L3MBTL4: variants seen among roughly 807,000 people sequenced by gnomAD.
L3MBTL4 encodes the protein L3MBTL histone methyl-lysine binding protein 4, also known as lethal(3)malignant brain tumor-like protein 4.
A neutral mutation model predicts 84.5 loss-of-function variants in L3MBTL4; 70 were observed. The ratio of observed to expected loss-of-function variants is 0.83; its 90% confidence interval spans 0.68 to 1.01. The LOEUF is 1.01. Ranked by LOEUF, L3MBTL4 falls within the 50% of genes least tolerant of loss-of-function variation. The pLI is 0.00. For missense variants in L3MBTL4, 715 were observed against 754.8 expected (o/e 0.95, Z 0.62); for synonymous variants, 274 against 259.8 (o/e 1.05, Z -0.52).
At chr18:6,113,934 T>C (rs1039906256) in intron 14 of L3MBTL4, among the ~76,000 whole-genome samples, 1 of 152,220 alleles carries the variant, frequency 6.6e-6, no homozygotes, top group African/African-American at 2.4e-5. Flanking sequence ...GTCTACCTAC[T>C]TGGAGATTAA....
intron 1 of L3MBTL4, among the ~76,000 whole-genome samples, chr18:6,366,682 C>G (rs528634334): frequency 5.3e-5 from 8 of 152,170 alleles, no homozygotes; most frequent in Non-Finnish European, 1.0e-4. Flanking sequence ...CCCAAAAAGA[C>G]TATTCCCAGC....
At chr18:6,066,157 T>C (rs763953225) in intron 16 of L3MBTL4, among the ~76,000 whole-genome samples, 6 of 152,114 alleles carry the variant, frequency 3.9e-5, no homozygotes, top group Non-Finnish European at 7.4e-5. Context: ...CATGTATTCG[T>C]ATAGTTTTGA....
At chr18:6,042,487 C>A (rs2056448813) in intron 16 of L3MBTL4, among the ~76,000 whole-genome samples, 1 of 152,190 alleles carries the variant, frequency 6.6e-6, no homozygotes, top group African/African-American at 2.4e-5. Flanking sequence ...CCCTCAATCA[C>A]TCAATCTGAC....
At chr18:6,295,394 C>G (rs1343646992) in intron 4 of L3MBTL4, among the ~76,000 whole-genome samples, 1 of 146,318 alleles carries the variant, frequency 6.8e-6, no homozygotes, top group African/African-American at 2.6e-5. Flanking sequence ...AATACAAGCA[C>G]TTGGCCTATC....
Position 6,080,956 on chromosome 18 carries a change from G to A in L3MBTL4, c.1374-5C>T, listed in dbSNP as rs771586471. 540 of 1,592,562 alleles carry A rather than the reference G, an allele frequency of 3.4e-4. 4 individuals are homozygous for A. The highest frequency in any genetic ancestry group is 1.8e-5 in the Non-Finnish European group (21 of 1,166,912). On this transcript the variant is annotated splice_region_variant and splice_polypyrimidine_tract_variant and intron_variant, in intron 15 of 18. Coordinates refer to ENST00000317931, the MANE Select transcript of L3MBTL4 (RefSeq NM_001330559.2). Reference sequence around the variant, plus strand: ...CACTTTGCCTGCTGTACAAGTCTGGGCAAAGAACAGAAATAAAATCTAGAT... The same window carrying A: ...CACTTTGCCTGCTGTACAAGTCTGGACAAAGAACAGAAATAAAATCTAGAT...
intron 13 of L3MBTL4, among the ~76,000 whole-genome samples, chr18:6,147,019 G>T (rs2042685325): frequency 6.6e-6 from 1 of 152,106 alleles, no homozygotes; most frequent in Non-Finnish European, 1.5e-5. Flanking sequence ...CTCGACAGCT[G>T]AGCTTGAGAA....
chr18:6,053,748 C>T (rs956766091), intron 16 of L3MBTL4, among the ~76,000 whole-genome samples: 1 of 152,136 alleles, frequency 6.6e-6, no homozygotes, highest in African/African-American at 2.4e-5. Context: ...CTTGCTATTC[C>T]CCAGTAAACT....
intron 14 of L3MBTL4, among the ~76,000 whole-genome samples, chr18:6,094,287 G>A (rs1307461815): frequency 1.3e-5 from 2 of 152,196 alleles, no homozygotes; most frequent in African/African-American, 2.4e-5. Flanking sequence ...CTCTGCCGCT[G>A]CTAGAAATGA....
At chr18:6,089,015 A>G (rs1262933637) in intron 15 of L3MBTL4, among the ~76,000 whole-genome samples, 1 of 152,154 alleles carries the variant, frequency 6.6e-6, no homozygotes, top group Admixed American at 6.5e-5. Flanking sequence ...CAGGTATTTT[A>G]ACGAATGGTG....
intron 1 of L3MBTL4, among the ~76,000 whole-genome samples, chr18:6,392,898 A>C (rs1172323306): frequency 1.2e-4 from 18 of 152,308 alleles, no homozygotes; most frequent in African/African-American, 4.3e-4. Context: ...ATAGAGTGGT[A>C]TCAAGAACTT....
At chr18:6,050,827 T>G (rs536532852) in intron 16 of L3MBTL4, among the ~76,000 whole-genome samples, 4 of 152,302 alleles carry the variant, frequency 2.6e-5, no homozygotes, top group African/African-American at 7.2e-5. Context: ...AAAAATAGAA[T>G]AAGAAGCAAA....
intron 15 of L3MBTL4, among the ~76,000 whole-genome samples, chr18:6,092,874 T>A (rs1479323681): frequency 6.6e-6 from 1 of 152,162 alleles, no homozygotes; most frequent in Non-Finnish European, 1.5e-5. Flanking sequence ...TGTCAATAAA[T>A]TAAAATGGAA....
In L3MBTL4 at chr18:6,089,121, GA is replaced by G. The variant is rs949422706; in HGVS notation, c.1373+4233del. On this transcript the variant is annotated intron_variant, in intron 15 of 18. Coordinates refer to ENST00000317931, the MANE Select transcript of L3MBTL4 (RefSeq NM_001330559.2). ...CACTTAGGCAGGTAAAAAAATGCCT[GA>G]AAAAAAAGTCCCCCTCAGGCCTGGG... 6.6e-5 allele frequency among the ~76,000 whole-genome samples: 10 copies of G among 151,708 alleles called. No individual in the cohort carries two copies. The East Asian group carries it at 1.5e-3, about 23-fold the overall frequency.
intron 14 of L3MBTL4, among the ~76,000 whole-genome samples, chr18:6,106,271 C>T (rs1289749584): frequency 1.3e-5 from 2 of 152,180 alleles, no homozygotes; most frequent in African/African-American, 4.8e-5. Context: ...TATGAAACAC[C>T]TGGCACAATG....
Position 6,243,310 on chromosome 18 carries a change from T to C in L3MBTL4, c.444A>G (p.Glu148=). 1 of 1,594,250 alleles carries C rather than the reference T, an allele frequency of 6.3e-7. No homozygotes were observed. The highest frequency in any genetic ancestry group is 8.5e-7 in the Non-Finnish European group (1 of 1,171,458). ...PVGWCEKTKH[E]LHIPKGYRKD... is the part of the protein sequence containing the mutation. ...CTGGCTTACCCTTAGGGATGTGCAGTTCATGTTTGGTCTTTTCACACCATC... is the reference window on the plus strand; with the variant it reads ...CTGGCTTACCCTTAGGGATGTGCAGCTCATGTTTGGTCTTTTCACACCATC... Residue 148 remains glutamate (E), a synonymous_variant, in exon 7 of 19, where the codon GAA becomes GAG. Coordinates refer to ENST00000317931, the MANE Select transcript of L3MBTL4 (RefSeq NM_001330559.2).
rs111858469 is a variant in L3MBTL4 at position 6,306,585 on chromosome 18, T to G, written c.73-4628A>C. ...TCTATTTAAGGATATTACAGAAAGA[T>G]TGCATTACCCTCTGCAAAAGTTGAG... On this transcript the variant is annotated intron_variant, in intron 3 of 18. Transcript: ENST00000317931. Among the ~76,000 whole-genome samples the G allele has an allele frequency of 4.4e-3, 672 of 152,288 alleles. 5 individuals carry two copies. The highest frequency in any genetic ancestry group is 0.015 in the African/African-American group (636 of 41,558).
At chr18:6,316,071 G>A (rs1047915083) in intron 1 of L3MBTL4, among the ~76,000 whole-genome samples, 5 of 151,474 alleles carry the variant, frequency 3.3e-5, no homozygotes, top group African/African-American at 7.3e-5. Flanking sequence ...CACCCCCATC[G>A]GAGCTAGTGC....
At chr18:6,358,549 C>T (rs1426885439) in intron 1 of L3MBTL4, among the ~76,000 whole-genome samples, 1 of 152,234 alleles carries the variant, frequency 6.6e-6, no homozygotes, top group Admixed American at 6.5e-5. Flanking sequence ...AAAAGAAAGA[C>T]AGCTGTAGCA....
chr18:5,967,962 C>A lies in L3MBTL4; in HGVS notation c.1614+1431G>T, dbSNP rs573650264. Among the ~76,000 whole-genome samples, 10 of 152,346 alleles carry A rather than the reference C, an allele frequency of 6.6e-5. No individual in the cohort carries two copies. In the South Asian group the frequency reaches 2.1e-3, roughly 32 times the overall value. Reference sequence around the variant, plus strand: ...TCTGCCTTCTCCACCACGTTCCTCACGATCTGGACTCTGTTGCTCTGCACA... The same window carrying A: ...TCTGCCTTCTCCACCACGTTCCTCAAGATCTGGACTCTGTTGCTCTGCACA... On this transcript the variant is annotated intron_variant, in intron 17 of 18. Coordinates refer to ENST00000317931, the MANE Select transcript of L3MBTL4 (RefSeq NM_001330559.2).
Sources: gnomAD v4.1 joint callset for allele counts (sites outside exome capture counted in the v4.1 genomes callset) on GRCh38, gnomAD v4.1.1 for gene constraint, MANE v1.5 for transcripts, NCBI Gene and HGNC (gene_info 2026-07-23, HGNC 2026-07-21) for gene names.